Variants in RP1L1 observed in about 807,000 individuals in gnomAD.
RP1L1 encodes retinitis pigmentosa 1-like 1 protein.
RP1L1 carries 27 observed loss-of-function variants against 15.7 expected under a neutral mutation model. The observed-to-expected ratio is 1.72, with a 90% CI of 1.27 to 2.38. RP1L1 has a LOEUF of 2.38. Among genes scored for constraint, RP1L1 ranks in the 30% most tolerant of loss-of-function variants. The pLI, the probability that RP1L1 is intolerant of heterozygous loss-of-function variation, is 0.00. For missense variants in RP1L1, 4,798 were observed against 3,075.9 expected (o/e 1.56, Z -13.24); for synonymous variants, 1,813 against 1,276.7 (o/e 1.42, Z -8.96).
At chr8:10,623,258 T>G (rs536197747) in intron 1 of RP1L1, 38 bp from the exon 2 acceptor site, 1 of 1,460,744 alleles carries the variant, frequency 6.8e-7, no homozygotes, top group Admixed American at 2.3e-5. Context: ...AGAGAGCAGC[T>G]TGGGGGATTG....
At chr8:10,616,796 C>T (rs929410256) in intron 2 of RP1L1, among the ~76,000 whole-genome samples, 2 of 152,198 alleles carry the variant, frequency 1.3e-5, no homozygotes, top group Admixed American at 6.5e-5. Context: ...CACGATCTCC[C>T]GCTCTAGCTA....
In RP1L1 at chr8:10,613,338, C is replaced by T; in HGVS notation, c.760G>A (p.Gly254Arg). Residue 254 changes from glycine (G) to arginine (R), a missense_variant, in exon 4 of 4, where the codon GGG becomes AGG. Transcript: ENST00000382483. ...ATCACACTCGGCTTGGTCTTTGGCC[C>T]CCAGCTCCCTGGCACGCAGTGAAGA... The part of the protein sequence containing the change: ...LTSRNKNGSW[G>R]PKTKPSVIHS... 6.2e-7 allele frequency: 1 copy of T among 1,600,006 alleles called. No homozygotes were observed. Among genetic ancestry groups the T allele is most frequent in the African/African-American group, 1.3e-5 (1 of 75,032 alleles).
rs200427610 is a variant in RP1L1, at chr8:10,610,455, C to T, written c.3643G>A (p.Val1215Ile). The T allele has an allele frequency of 7.7e-5, 124 of 1,613,666 alleles. No homozygotes were observed. The highest frequency in any genetic ancestry group is 5.3e-5 in the African/African-American group (4 of 74,912). Residue 1215 changes from valine (V) to isoleucine (I), a missense_variant, in exon 4 of 4, where the codon GTA (valine) becomes ATA (isoleucine). Coordinates refer to ENST00000382483, the MANE Select transcript of RP1L1 (RefSeq NM_178857.6). The part of the protein sequence containing the change: ...SGSGGSGESS[V>I]PCAMDGTLVT... ...AGGGTGCCGTCCATGGCACAGGGTA[C>T]GCTACTCTCCCCTGAGCCTCCAGAG...
chr8:10,627,049 T>C (rs927745929), intron 1 of RP1L1, among the ~76,000 whole-genome samples: 4 of 152,198 alleles, frequency 2.6e-5, no homozygotes, highest in African/African-American at 9.7e-5. Context: ...GGTCAAATGA[T>C]GTGGCTGCTG....
At chr8:10,618,268 G>A (rs1798002510) in intron 2 of RP1L1, among the ~76,000 whole-genome samples, 1 of 152,164 alleles carries the variant, frequency 6.6e-6, no homozygotes. Flanking sequence ...GGGGGGCCGA[G>A]GTGGGTAGAT....
At chr8:10,651,793 G>A (rs1798566982) in intron 1 of RP1L1, among the ~76,000 whole-genome samples, 1 of 149,564 alleles carries the variant, frequency 6.7e-6, no homozygotes, top group South Asian at 2.1e-4. Flanking sequence ...GCTCAGAGCT[G>A]TTGCTCCATG....
chr8:10,633,046 A>G (rs1012955567), intron 1 of RP1L1, among the ~76,000 whole-genome samples: 3 of 152,154 alleles, frequency 2.0e-5, no homozygotes, highest in African/African-American at 7.2e-5. Flanking sequence ...GGGTTTATGG[A>G]AGAGACATGG....
At chr8:10,651,055 T>C (rs61650744) in intron 1 of RP1L1, among the ~76,000 whole-genome samples, 1,958 of 152,352 alleles carry the variant, frequency 0.013, 39 homozygotes, top group African/African-American at 0.044. Flanking sequence ...GTCTGATTAT[T>C]ACCTTGAGAT....
chr8:10,635,380 G>C (rs1403744758), intron 1 of RP1L1, among the ~76,000 whole-genome samples: 2 of 152,210 alleles, frequency 1.3e-5, no homozygotes, highest in Non-Finnish European at 2.9e-5. Flanking sequence ...ACCATGCCGG[G>C]TTATTCCCAG....
intron 1 of RP1L1, among the ~76,000 whole-genome samples, chr8:10,626,092 C>A (rs1384028060): frequency 6.6e-6 from 1 of 152,016 alleles, no homozygotes; most frequent in Non-Finnish European, 1.5e-5. Flanking sequence ...AGTTGACAGC[C>A]CCTGTGGAGG....
At chr8:10,640,685 T>TTTA (rs557377577) in intron 1 of RP1L1, among the ~76,000 whole-genome samples, 15 of 151,284 alleles carry the variant, frequency 9.9e-5, no homozygotes, top group Admixed American at 7.9e-4. Flanking sequence ...TTATTAATAT[T>TTTA]TTATTATTAT....
rs778185172 is a variant in RP1L1 at position 10,607,097 on chromosome 8, G to A, written c.7001C>T (p.Pro2334Leu). 2.5e-6 allele frequency: 4 copies of A among 1,614,212 alleles called. No homozygotes were observed. Among genetic ancestry groups the A allele is most frequent in the South Asian group, 2.2e-5 (2 of 91,084 alleles). The change falls in exon 4 of 4, where the codon CCT (proline) becomes CTT (leucine). Residue 2334 changes from proline (P) to leucine (L), a missense_variant. Coordinates refer to ENST00000382483, the MANE Select transcript of RP1L1 (RefSeq NM_178857.6). ...CCTGGTGGCCTTCCTCTCTGCATGA[G>A]GGGTCCCCGTGGACTTGGCATCAGG... is the stretch of plus-strand genomic sequence containing the variant. Reference protein sequence around the residue: ...RSPDAKSTGTPHAERKATRMY... With the variant: ...RSPDAKSTGTLHAERKATRMY...
At chr8:10,628,071 A>T (rs1798185480) in intron 1 of RP1L1, among the ~76,000 whole-genome samples, 1 of 152,236 alleles carries the variant, frequency 6.6e-6, no homozygotes, top group South Asian at 2.1e-4. Context: ...ATGGATGAGC[A>T]ACCCAGCTGC....
At chr8:10,619,545 T>C (rs1418014229) in intron 2 of RP1L1, among the ~76,000 whole-genome samples, 1 of 152,178 alleles carries the variant, frequency 6.6e-6, no homozygotes, top group Non-Finnish European at 1.5e-5. Context: ...TCTGGGAATC[T>C]TTTCCAGGAA....
At chr8:10,649,867 C>A (rs916982371) in intron 1 of RP1L1, among the ~76,000 whole-genome samples, 1 of 152,180 alleles carries the variant, frequency 6.6e-6, no homozygotes, top group African/African-American at 2.4e-5. Flanking sequence ...GCGGCCGATA[C>A]TGTTGGCTGC....
chr8:10,608,039 G>A lies in RP1L1; in HGVS notation c.6059C>T (p.Ser2020Leu). 1.2e-6 allele frequency: 2 copies of A among 1,606,312 alleles called. No homozygotes were observed. Among genetic ancestry groups the A allele is most frequent in the Non-Finnish European group, 1.7e-6 (2 of 1,178,584 alleles). ...CTTTGGCTGGGCCTCTACACCGTCT[G>A]ACTCTGGCTGGGCCTCCTCTTCTGC... ...QEAEEEAQPE[S>L]DGVEAQPKSE... The change falls in exon 4 of 4, where the codon TCA (serine) becomes TTA (leucine). Residue 2020 changes from serine (S) to leucine (L), a missense_variant. By Grantham distance (145) the Ser-to-Leu change is moderately radical. Transcript: ENST00000382483.
rs752561619 is a variant in RP1L1, at chr8:10,608,170, A to C, written c.5928T>G (p.Asp1976Glu). 1.3e-6 allele frequency: 2 copies of C among 1,598,098 alleles called. No individual in the cohort carries two copies. The highest frequency in any genetic ancestry group is 1.7e-6 in the Non-Finnish European group (2 of 1,176,734). The change falls in exon 4 of 4, where the codon GAT becomes GAG. Residue 1976 changes from aspartate (D) to glutamate (E), a missense_variant. Physicochemically the swap from Asp to Glu is conservative, Grantham distance 45. Coordinates refer to ENST00000382483, the MANE Select transcript of RP1L1 (RefSeq NM_178857.6). ...CCACTTCAACCTCCAGGGCCTCTACATCTTCTGACTCTGGCTGGGCTTCCT... is the reference window on the plus strand; with the variant it reads ...CCACTTCAACCTCCAGGGCCTCTACCTCTTCTGACTCTGGCTGGGCTTCCT... ...AEEEAQPESE[D>E]VEALEVEVET... is the part of the protein sequence containing the mutation.
In RP1L1 at chr8:10,637,341, G is replaced by A. The variant is rs11250051; in HGVS notation, c.-19-14121C>T. On this transcript the variant is annotated intron_variant, in intron 1 of 3. Transcript: ENST00000382483. ...TATTTATCAAATGCACCACAATTAA[G>A]CCAATTAGGCAAAAAGACTTAATGA... Among the ~76,000 whole-genome samples, 19 of 152,330 alleles carry A rather than the reference G, an allele frequency of 1.2e-4. No individual in the cohort carries two copies. In the East Asian group the frequency reaches 3.7e-3, roughly 29 times the overall value.
At position 10,622,751 on chromosome 8, in the gene RP1L1, G is replaced by T; in HGVS notation, c.451C>A (p.Pro151Thr). The T allele has an allele frequency of 6.2e-7, 1 of 1,614,132 alleles. No individual in the cohort carries two copies. ...TTCTTAATCAGCAGTATCCTCCGGGGGGTTTTAAGACTCTTCCGGGAGGAG... is the reference window on the plus strand; with the variant it reads ...TTCTTAATCAGCAGTATCCTCCGGGTGGTTTTAAGACTCTTCCGGGAGGAG... Reference protein sequence around the residue: ...TSSSRKSLKTPRRILLIKNMD... With the variant: ...TSSSRKSLKTTRRILLIKNMD... Residue 151 changes from proline to threonine, a missense_variant, in exon 2 of 4, where the codon CCC becomes ACC. By Grantham distance (38) the Pro-to-Thr change is conservative (BLOSUM62 -1). Transcript: ENST00000382483.
Sources: gnomAD v4.1 joint callset for allele counts (sites outside exome capture counted in the v4.1 genomes callset) on GRCh38, gnomAD v4.1.1 for gene constraint, MANE v1.5 for transcripts, NCBI Gene and HGNC (gene_info 2026-07-23, HGNC 2026-07-21) for gene names.